Variants in FBXW11 observed in about 807,000 individuals in gnomAD.
FBXW11 encodes the protein F-box/WD repeat-containing protein 11.
FBXW11 carries 19 observed loss-of-function variants against 77.6 expected under a neutral mutation model. The ratio of observed to expected loss-of-function variants is 0.24; its 90% CI spans 0.17 to 0.36. The LOEUF is 0.36. Ranked by LOEUF, FBXW11 falls within the 10% of genes least tolerant of loss-of-function variation. The pLI is 1.00. For missense variants in FBXW11, 334 were observed against 704.2 expected, an observed-to-expected ratio of 0.47 and a Z score of 5.95; for synonymous variants, 235 against 249.4, an observed-to-expected ratio of 0.94 and a Z score of 0.54.
intron 2 of FBXW11, among the ~76,000 whole-genome samples, chr5:171,917,762 CACTCTGTG>C (rs1488483788): frequency 1.2e-5 from 1 of 80,342 alleles, no homozygotes; most frequent in African/African-American, 3.9e-5. Flanking sequence ...ACTCTAGACT[CACTCTGTG>C]TGTGTGTGTG....
intron 5 of FBXW11, among the ~76,000 whole-genome samples, 148 bp downstream of exon 5, chr5:171,899,760 GCTTTAA>G (rs1445955943): frequency 6.6e-6 from 1 of 152,124 alleles, no homozygotes; most frequent in Non-Finnish European, 1.5e-5. Flanking sequence ...AATTTTAACA[GCTTTAA>G]CTTTTTCTTC....
At chr5:171,872,541 G>A (rs976283510) in intron 10 of FBXW11, among the ~76,000 whole-genome samples, 4 of 152,230 alleles carry the variant, frequency 2.6e-5, no homozygotes, top group Non-Finnish European at 5.9e-5. Flanking sequence ...AGGTAGGGAG[G>A]TGGGAGCTCA....
At chr5:171,914,019 A>G (rs1197690112) in intron 3 of FBXW11, among the ~76,000 whole-genome samples, 1 of 152,250 alleles carries the variant, frequency 6.6e-6, no homozygotes, top group African/African-American at 2.4e-5. Context: ...TCATCCATGT[A>G]TACACTGGTG....
At chr5:171,916,346 G>C (rs1009672391) in intron 2 of FBXW11, 1 of 646,332 alleles carries the variant, frequency 1.5e-6, no homozygotes, top group African/African-American at 2.0e-5. Flanking sequence ...CCAGATGGCC[G>C]CCTATGGGGA....
intron 3 of FBXW11, among the ~76,000 whole-genome samples, chr5:171,913,622 GCTAACT>G (rs199697377): frequency 0.012 from 1,875 of 152,168 alleles, 15 homozygotes; most frequent in Non-Finnish European, 0.019. Flanking sequence ...CTTTGTTCCT[GCTAACT>G]AATCTATCTT....
At chr5:171,907,750 C>T (rs1365077625) in intron 4 of FBXW11, among the ~76,000 whole-genome samples, 1 of 152,316 alleles carries the variant, frequency 6.6e-6, no homozygotes, top group African/African-American at 2.4e-5. Flanking sequence ...AATGCCTTAA[C>T]ATTCGCTGTA....
At chr5:171,968,496 CAA>C (rs1287590910) in intron 1 of FBXW11, among the ~76,000 whole-genome samples, 1 of 150,644 alleles carries the variant, frequency 6.6e-6, no homozygotes, top group Non-Finnish European at 1.5e-5. Flanking sequence ...TTTGAGGTAA[CAA>C]AGACACTCTC....
chr5:171,913,539 C>T (rs997416257), intron 3 of FBXW11, among the ~76,000 whole-genome samples: 7 of 152,148 alleles, frequency 4.6e-5, no homozygotes, highest in Admixed American at 3.3e-4. Context: ...TTTCCAGCCA[C>T]GTGCTCAGCC....
intron 1 of FBXW11, among the ~76,000 whole-genome samples, chr5:171,972,584 A>G (rs1352142995): frequency 6.9e-6 from 1 of 145,746 alleles, no homozygotes; most frequent in African/African-American, 2.5e-5. Flanking sequence ...TCACTCTGTC[A>G]CCCAGGCTGG....
intron 2 of FBXW11, among the ~76,000 whole-genome samples, chr5:171,933,600 T>TTGTA (rs1762329804): frequency 6.6e-6 from 1 of 151,986 alleles, no homozygotes; most frequent in African/African-American, 2.4e-5. Flanking sequence ...TGTATGTGGG[T>TTGTA]AGAAGGGATC....
intron 9 of FBXW11, among the ~76,000 whole-genome samples, chr5:171,873,201 G>A (rs887987497): frequency 2.0e-5 from 3 of 152,182 alleles, no homozygotes; most frequent in Non-Finnish European, 2.9e-5. Flanking sequence ...AATGAAACAC[G>A]GAGGGAAGTG....
intron 7 of FBXW11, among the ~76,000 whole-genome samples, chr5:171,885,625 T>C (rs901406426): frequency 1.9e-4 from 29 of 152,184 alleles, no homozygotes; most frequent in Non-Finnish European, 7.4e-5. Context: ...CCCACTCCCT[T>C]CTTTTAATCT....
At chr5:171,897,195 A>G (rs1306936325) in intron 6 of FBXW11, among the ~76,000 whole-genome samples, 1 of 152,236 alleles carries the variant, frequency 6.6e-6, no homozygotes, top group Non-Finnish European at 1.5e-5. Context: ...GTTAAAAGAG[A>G]AAATGCATTA....
At chr5:171,998,796 C>CAAAAA (rs34476350) in intron 1 of FBXW11, among the ~76,000 whole-genome samples, 1 of 60,032 alleles carries the variant, frequency 1.7e-5, no homozygotes, top group African/African-American at 4.8e-5. Flanking sequence ...GACTCCGTCT[C>CAAAAA]AAAAAAAAAA....
At chr5:171,912,768 G>A (rs542067304) in intron 3 of FBXW11, among the ~76,000 whole-genome samples, 28 of 152,134 alleles carry the variant, frequency 1.8e-4, no homozygotes, top group African/African-American at 6.5e-4. Flanking sequence ...GAATTAGCCA[G>A]GCATAGTGGT....
chr5:171,886,466 A>G (rs1758885857), intron 7 of FBXW11, among the ~76,000 whole-genome samples: 1 of 152,050 alleles, frequency 6.6e-6, no homozygotes, highest in Admixed American at 6.6e-5. Context: ...AGATATACCT[A>G]ATGTTAAACG....
chr5:171,923,478 T>C lies in FBXW11; in HGVS notation c.148-9073A>G, dbSNP rs138982415. On this transcript the variant is annotated intron_variant, in intron 2 of 13. Coordinates refer to ENST00000517395, the MANE Select transcript of FBXW11 (RefSeq NM_001378974.1). ...AGAAATCTTTTTTCTTCTAACGTCA[T>C]AAAGATATTCTTCCACACCTAGGTT... Among the ~76,000 whole-genome samples the C allele has an allele frequency of 4.8e-3, 730 of 152,300 alleles. 5 individuals carry two copies. The highest frequency in any genetic ancestry group is 0.017 in the African/African-American group (697 of 41,574).
At chr5:171,918,775 TAGA>T (rs1338399239) in intron 2 of FBXW11, among the ~76,000 whole-genome samples, 4 of 152,220 alleles carry the variant, frequency 2.6e-5, no homozygotes, top group African/African-American at 9.6e-5. Context: ...GTGTGCATTA[TAGA>T]AGGTTAGCAG....
At chr5:171,967,883 T>TATATATATATATATATATATATACAC (rs1244744249) in intron 1 of FBXW11, among the ~76,000 whole-genome samples, 1 of 74,976 alleles carries the variant, frequency 1.3e-5, no homozygotes, top group African/African-American at 5.9e-5. Context: ...TATATATATA[T>TATATATATATATATATATATATACAC]ACACACACAC....
Sources: allele counts gnomAD v4.1 joint callset (sites outside exome capture counted in the v4.1 genomes callset), GRCh38; gene constraint gnomAD v4.1.1; transcripts MANE v1.5; gene names NCBI Gene and HGNC (gene_info 2026-07-23, HGNC 2026-07-21).